The following AGPAT4 variants were observed in gnomAD, a reference collection of about 807,000 sequenced individuals.
The protein encoded by AGPAT4 is 1-acyl-sn-glycerol-3-phosphate acyltransferase delta.
AGPAT4 carries 15 observed loss-of-function variants against 48.0 expected under a neutral mutation model. The ratio of observed to expected loss-of-function variants is 0.31; its 90% CI spans 0.21 to 0.48. The LOEUF is 0.48. AGPAT4 is among the 20% of genes least tolerant of loss of function. The pLI, the probability that AGPAT4 is intolerant of heterozygous loss-of-function variation, is 0.99. For synonymous variants in AGPAT4, 178 were observed against 198.7 expected (o/e 0.90, Z 0.88); for missense variants, 314 against 482.5 (o/e 0.65, Z 3.27).
intron 1 of AGPAT4, among the ~76,000 whole-genome samples, chr6:161,258,373 T>C (rs564755446): frequency 5.3e-5 from 8 of 152,274 alleles, no homozygotes; most frequent in African/African-American, 1.7e-4. Context: ...TACCTGAGAG[T>C]ATCCAACAAC....
At chr6:161,152,901 T>G (rs140611396) in intron 5 of AGPAT4, among the ~76,000 whole-genome samples, 1 of 152,174 alleles carries the variant, frequency 6.6e-6, no homozygotes, top group Non-Finnish European at 1.5e-5. Context: ...GTTGTTGCTA[T>G]TTTCTTCTTC....
chr6:161,213,195 A>C (rs1781562247), intron 2 of AGPAT4, among the ~76,000 whole-genome samples: 1 of 152,230 alleles, frequency 6.6e-6, no homozygotes, highest in African/African-American at 2.4e-5. Flanking sequence ...GGCTTTAAAA[A>C]AGTCTTATCT....
Position 161,161,106 on chromosome 6 carries a change from AGAG to A in AGPAT4, c.348+5139_348+5141del, listed in dbSNP as rs1404701873. ...TGACCGTTTGCTGAGGGCTGCGCACAGAGGAGGAGGAAGCCCCAAGCTTTCAAC... is the reference window on the plus strand; with the variant it reads ...TGACCGTTTGCTGAGGGCTGCGCACAGAGGAGGAAGCCCCAAGCTTTCAAC... On this transcript the variant is annotated intron_variant, in intron 3 of 8. Transcript: ENST00000320285. The surrounding 1 kb of genome is among the most constrained non-coding windows in gnomAD (Gnocchi z 4.6). 4.4e-6 allele frequency: 2 copies of A among 456,624 alleles called. No homozygotes were observed. Among genetic ancestry groups the A allele is most frequent in the Non-Finnish European group, 8.8e-6 (2 of 226,976 alleles). The allele number at this position is 456,624 out of a possible 1,614,324, so 28.3% of individuals were successfully genotyped here.
In AGPAT4 at chr6:161,136,261, T is replaced by G. The variant is rs1211902786; in HGVS notation, c.*279A>C. Reference sequence around the variant, plus strand: ...CCTGCAGCCTAAAATACCCTTTCTATGATCACAGAACAAAGTTCACACTCA... The same window carrying G: ...CCTGCAGCCTAAAATACCCTTTCTAGGATCACAGAACAAAGTTCACACTCA... On this transcript the variant is annotated 3_prime_UTR_variant, in exon 9 of 9. Coordinates refer to ENST00000320285, the MANE Select transcript of AGPAT4 (RefSeq NM_020133.3). 1 of 421,176 alleles carries G rather than the reference T, an allele frequency of 2.4e-6. No individual in the cohort carries two copies. The highest frequency in any genetic ancestry group is 4.4e-6 in the Non-Finnish European group (1 of 228,828). The allele number at this position is 421,176 out of a possible 1,614,324, so 26.1% of individuals were successfully genotyped here.
At position 161,147,632 on chromosome 6, in the gene AGPAT4, C is replaced by G. The variant is rs1779470263; in HGVS notation, c.768-1033G>C. Among the ~76,000 whole-genome samples the G allele has an allele frequency of 6.6e-6, 1 of 152,198 alleles. No homozygotes were observed. Among genetic ancestry groups the G allele is most frequent in the African/African-American group, 2.4e-5 (1 of 41,454 alleles). On this transcript the variant is annotated intron_variant, in intron 6 of 8. Transcript: ENST00000320285. The surrounding 1 kb of genome is among the most constrained non-coding windows in gnomAD (Gnocchi z 4.8). The stretch of plus-strand genomic sequence containing the variant: ...AGGTAAGTTTTTCACATAATTAGAA[C>G]TTACCCCATAAGCTCCTCCGGAAAT...
intron 2 of AGPAT4, among the ~76,000 whole-genome samples, chr6:161,193,311 G>A (rs1299685758): frequency 2.6e-5 from 4 of 152,160 alleles, no homozygotes; most frequent in African/African-American, 4.8e-5. Flanking sequence ...TTTCAATCCA[G>A]TAGTTTCTTA....
At chr6:161,192,388 T>C (rs1780951937) in intron 2 of AGPAT4, among the ~76,000 whole-genome samples, 1 of 152,174 alleles carries the variant, frequency 6.6e-6, no homozygotes, top group Non-Finnish European at 1.5e-5. Context: ...TGACCTCAGG[T>C]GATCTGCCCA....
At chr6:161,172,122 C>A (rs1780283117) in intron 2 of AGPAT4, among the ~76,000 whole-genome samples, 1 of 152,106 alleles carries the variant, frequency 6.6e-6, no homozygotes, top group Non-Finnish European at 1.5e-5. Context: ...GAAAACAATG[C>A]ATCAAATCAG....
rs1247457054 is a variant in AGPAT4 at position 161,195,150 on chromosome 6, A to G, written c.179-28733T>C. Among the ~76,000 whole-genome samples the G allele has an allele frequency of 6.6e-6, 1 of 152,214 alleles. No individual in the cohort carries two copies. The highest frequency in any genetic ancestry group is 1.5e-5 in the Non-Finnish European group (1 of 68,038). Reference sequence around the variant, plus strand: ...TAAATATATTCTTTTCTCCAAAAGAATAAAATACAACTTAATTTAACCACA... The same window carrying G: ...TAAATATATTCTTTTCTCCAAAAGAGTAAAATACAACTTAATTTAACCACA... On this transcript the variant is annotated intron_variant, in intron 2 of 8. Transcript: ENST00000320285. The surrounding 1 kb of genome is among the most constrained non-coding windows in gnomAD (Gnocchi z 5.0).
At chr6:161,194,217 C>T (rs897068206) in intron 2 of AGPAT4, among the ~76,000 whole-genome samples, 4 of 152,180 alleles carry the variant, frequency 2.6e-5, no homozygotes, top group Non-Finnish European at 5.9e-5. Context: ...ATTTTGAATA[C>T]ATTATGTTAA....
At position 161,184,574 on chromosome 6, in the gene AGPAT4, C is replaced by G. The variant is rs1562328560; in HGVS notation, c.179-18157G>C. Among the ~76,000 whole-genome samples the G allele has an allele frequency of 2.0e-5, 3 of 152,076 alleles. No individual in the cohort carries two copies. The highest frequency in any genetic ancestry group is 2.9e-5 in the Non-Finnish European group (2 of 68,006). On this transcript the variant is annotated intron_variant, in intron 2 of 8. Transcript: ENST00000320285. This position sits in a 1 kb window ranked among gnomAD's most constrained non-coding sequence, Gnocchi z 4.8. ...TCCCCTGGCCCTGCCCCGGACCCCC[C>G]ATTCCCACCTGTCATCCTCTGGCCT...
chr6:161,232,096 G>T lies in AGPAT4; in HGVS notation c.118C>A (p.Pro40Thr). 1.2e-6 allele frequency: 2 copies of T among 1,614,140 alleles called. No homozygotes were observed. Among genetic ancestry groups the T allele is most frequent in the Non-Finnish European group, 1.7e-6 (2 of 1,180,024 alleles). The change falls in exon 2 of 9, where the codon CCC becomes ACC. Residue 40 changes from proline to threonine, a missense_variant. Physicochemically the swap from Pro to Thr is conservative, Grantham distance 38. Transcript: ENST00000320285. The surrounding 1 kb of genome is among the most constrained non-coding windows in gnomAD (Gnocchi z 6.8). ...TTCCGGAAGAGCTGCTTGTTAATGGGCCAGAGGAGGAGAGTGAAGAGCTGA... is the reference window on the plus strand; with the variant it reads ...TTCCGGAAGAGCTGCTTGTTAATGGTCCAGAGGAGGAGAGTGAAGAGCTGA... ...TIQLFTLLLW[P>T]INKQLFRKIN...
chr6:161,202,780 T>C lies in AGPAT4; in HGVS notation c.178+29256A>G, dbSNP rs968961875. Among the ~76,000 whole-genome samples, 1 of 152,142 alleles carries C rather than the reference T, an allele frequency of 6.6e-6. No individual in the cohort carries two copies. The highest frequency in any genetic ancestry group is 2.1e-4 in the South Asian group (1 of 4,830). On this transcript the variant is annotated intron_variant, in intron 2 of 8. Transcript: ENST00000320285. This position sits in a 1 kb window ranked among gnomAD's most constrained non-coding sequence, Gnocchi z 5.4. ...ATGCATGACTCTCAAGGCCAGGTCA[T>C]AACCTTATGCCCCGTGAATGGGGAC...
rs143046707 is a variant in AGPAT4 at position 161,169,117 on chromosome 6, T to G, written c.179-2700A>C. ...AGGGTGGGGAGGAGACAGAGGCAGA[T>G]GGAGAGAAACCCAGAGAGAGAACAT... On this transcript the variant is annotated intron_variant, in intron 2 of 8. Transcript: ENST00000320285. This position sits in a 1 kb window ranked among gnomAD's most constrained non-coding sequence, Gnocchi z 5.0. Among the ~76,000 whole-genome samples, 9 of 152,158 alleles carry G rather than the reference T, an allele frequency of 5.9e-5. No individual in the cohort carries two copies. In the East Asian group the frequency reaches 1.7e-3, roughly 29 times the overall value.
chr6:161,187,715 T>G (rs1780811700), intron 2 of AGPAT4, among the ~76,000 whole-genome samples: 1 of 152,158 alleles, frequency 6.6e-6, no homozygotes, highest in Admixed American at 6.5e-5. Context: ...TAATTTTTTT[T>G]GTATGTTTAG....
chr6:161,166,801 G>C lies in AGPAT4; in HGVS notation c.179-384C>G, dbSNP rs1780113776. Reference sequence around the variant, plus strand: ...TAATATCCTGGAAAATGACTAATTGGGATACTTATAAACTCCATCAAAGAA... The same window carrying C: ...TAATATCCTGGAAAATGACTAATTGCGATACTTATAAACTCCATCAAAGAA... On this transcript the variant is annotated intron_variant, in intron 2 of 8. Coordinates refer to ENST00000320285, the MANE Select transcript of AGPAT4 (RefSeq NM_020133.3). This position sits in a 1 kb window ranked among gnomAD's most constrained non-coding sequence, Gnocchi z 6.7. Among the ~76,000 whole-genome samples, 5 of 152,134 alleles carry C rather than the reference G, an allele frequency of 3.3e-5. No individual in the cohort carries two copies. In the South Asian group the frequency reaches 1.0e-3, roughly 32 times the overall value.
intron 2 of AGPAT4, among the ~76,000 whole-genome samples, chr6:161,188,863 G>A (rs898766931): frequency 9.9e-5 from 15 of 152,024 alleles, no homozygotes; most frequent in Admixed American, 2.0e-4. Context: ...TGGTGAGATC[G>A]GCATCGCTAT....
chr6:161,160,888 T>A, intron 3 of AGPAT4: 2 of 404,952 alleles, frequency 4.9e-6, no homozygotes, highest in South Asian at 3.6e-5. Context: ...AAACAGGACG[T>A]CCCCAGGGCA....
At chr6:161,160,456 ACTCT>A (rs771953900) in intron 3 of AGPAT4, 1 of 156,374 alleles carries the variant, frequency 6.4e-6, no homozygotes, top group Non-Finnish European at 1.4e-5. Flanking sequence ...AAATGAAAGC[ACTCT>A]CTAAGAATTC....
Sources: gnomAD v4.1 joint callset for allele counts (sites outside exome capture counted in the v4.1 genomes callset) on GRCh38, gnomAD v4.1.1 for gene constraint, Gnocchi (gnomAD v3.1) non-coding constraint, MANE v1.5 for transcripts, NCBI Gene and HGNC (gene_info 2026-07-23, HGNC 2026-07-21) for gene names.